Variants in LDB2 observed in about 807,000 individuals in gnomAD.
The protein encoded by LDB2 is LIM domain binding 2, also known as LIM domain-binding protein 2.
A neutral mutation model predicts 44.3 loss-of-function variants in LDB2; 12 were observed. That is an observed-to-expected ratio of 0.27 (90% confidence interval 0.17 to 0.44). LDB2 has a LOEUF of 0.44. LDB2 is among the 20% of genes least tolerant of loss of function. The pLI, the probability that LDB2 is intolerant of heterozygous loss-of-function variation, is 1.00. For synonymous variants in LDB2, 164 were observed against 174.8 expected (o/e 0.94, Z 0.49); for missense variants, 344 against 473.5 (o/e 0.73, Z 2.54).
At chr4:16,554,176 G>C (rs771009354) in intron 5 of LDB2, among the ~76,000 whole-genome samples, 1 of 151,472 alleles carries the variant, frequency 6.6e-6, no homozygotes, top group Non-Finnish European at 1.5e-5. Flanking sequence ...TCAGCCTCAC[G>C]AGTAGCTGGG....
chr4:16,822,887 A>G (rs1249062047), intron 1 of LDB2, among the ~76,000 whole-genome samples: 1 of 152,174 alleles, frequency 6.6e-6, no homozygotes, highest in Non-Finnish European at 1.5e-5. Flanking sequence ...TACATATTCC[A>G]TGTCTATTAG....
chr4:16,554,633 G>A (rs1738868889), intron 5 of LDB2, among the ~76,000 whole-genome samples: 1 of 152,190 alleles, frequency 6.6e-6, no homozygotes, highest in South Asian at 2.1e-4. Context: ...AGACACGGAG[G>A]AACTGTAAAT....
chr4:16,709,869 C>A (rs1755474694), intron 2 of LDB2, among the ~76,000 whole-genome samples: 1 of 152,164 alleles, frequency 6.6e-6, no homozygotes, highest in Non-Finnish European at 1.5e-5. Context: ...CTCTCCAGTT[C>A]ACCAGGTTCT....
chr4:16,581,234 C>G (rs952350538), intron 5 of LDB2: 1 of 168,328 alleles, frequency 5.9e-6, no homozygotes, highest in Admixed American at 6.5e-5. Flanking sequence ...GTGCATTTAT[C>G]CTACTAGAAC....
intron 2 of LDB2, among the ~76,000 whole-genome samples, chr4:16,691,684 G>C (rs1169391302): frequency 1.3e-5 from 2 of 152,190 alleles, no homozygotes; most frequent in African/African-American, 4.8e-5. Context: ...GGCAGCTTTA[G>C]TTTCAGGCCT....
chr4:16,748,477 T>C (rs944458290), intron 2 of LDB2, among the ~76,000 whole-genome samples: 1 of 152,228 alleles, frequency 6.6e-6, no homozygotes, highest in Non-Finnish European at 1.5e-5. Context: ...GGTAATTTTG[T>C]CATGGAGCCT....
intron 2 of LDB2, among the ~76,000 whole-genome samples, chr4:16,721,425 T>C (rs1222759709): frequency 1.3e-5 from 2 of 152,182 alleles, no homozygotes. Context: ...AAGTATTCAC[T>C]TCCTAGATAG....
intron 1 of LDB2, among the ~76,000 whole-genome samples, chr4:16,857,802 T>C (rs574163096): frequency 6.6e-6 from 1 of 152,268 alleles, no homozygotes; most frequent in South Asian, 2.1e-4. Context: ...CAAGCAAACC[T>C]CCCGACCCAA....
At chr4:16,874,876 G>A (rs1363074487) in intron 1 of LDB2, among the ~76,000 whole-genome samples, 1 of 152,150 alleles carries the variant, frequency 6.6e-6, no homozygotes, top group Admixed American at 6.5e-5. Flanking sequence ...GTATGCACAA[G>A]AGTGGCACTT....
At chr4:16,576,361 C>G (rs1249798631) in intron 5 of LDB2, among the ~76,000 whole-genome samples, 1 of 151,030 alleles carries the variant, frequency 6.6e-6, no homozygotes, top group Non-Finnish European at 1.5e-5. Context: ...AAAAAAAAGA[C>G]AGTAGAACCA....
intron 1 of LDB2, among the ~76,000 whole-genome samples, chr4:16,774,145 C>G (rs1579540342): frequency 8.3e-6 from 1 of 120,598 alleles, no homozygotes; most frequent in African/African-American, 3.2e-5. Flanking sequence ...CAGAGTGAGA[C>G]TCCGTCTCAA....
chr4:16,819,460 G>GAAAAAAA (rs369605183), intron 1 of LDB2, among the ~76,000 whole-genome samples: 4 of 93,444 alleles, frequency 4.3e-5, no homozygotes, highest in East Asian at 3.0e-4. Context: ...CTGCACTCAG[G>GAAAAAAA]AAAAAAAAAA....
intron 5 of LDB2, among the ~76,000 whole-genome samples, chr4:16,552,041 G>C (rs374084099): frequency 6.6e-6 from 1 of 151,822 alleles, no homozygotes; most frequent in Non-Finnish European, 1.5e-5. Flanking sequence ...ACTATTTGTA[G>C]GCTGTCTTCT....
At chr4:16,667,687 G>A (rs1221263059) in intron 2 of LDB2, among the ~76,000 whole-genome samples, 1 of 152,252 alleles carries the variant, frequency 6.6e-6, no homozygotes, top group Non-Finnish European at 1.5e-5. Flanking sequence ...CAACCGCATA[G>A]ACAGACAGGT....
In LDB2 at chr4:16,588,240, CTG is replaced by C. The variant is rs574017604; in HGVS notation, c.531+468_531+469del. 1.9e-3 allele frequency among the ~76,000 whole-genome samples: 288 copies of C among 152,312 alleles called. 2 individuals are homozygous for C. The highest frequency in any genetic ancestry group is 6.5e-3 in the African/African-American group (272 of 41,568). On this transcript the variant is annotated intron_variant, in intron 4 of 7. Coordinates refer to ENST00000304523, the MANE Select transcript of LDB2 (RefSeq NM_001290.5). Reference sequence around the variant, plus strand: ...CAAATATTCCACTTCAGATTTAGCACTGTGATCAGGGAGGACCAACTTCTGAC... The same window carrying C: ...CAAATATTCCACTTCAGATTTAGCACTGATCAGGGAGGACCAACTTCTGAC...
intron 5 of LDB2, among the ~76,000 whole-genome samples, chr4:16,551,684 A>G (rs1045645828): frequency 6.6e-6 from 1 of 151,812 alleles, no homozygotes; most frequent in Non-Finnish European, 1.5e-5. Context: ...CGCCCAAATA[A>G]TTTTTGTATT....
At chr4:16,595,970 C>G in intron 2 of LDB2, 95 bp from the exon 3 acceptor site, 1 of 1,248,850 alleles carries the variant, frequency 8.0e-7, no homozygotes, top group Non-Finnish European at 1.1e-6. Context: ...AAACCGGATA[C>G]TGATCATCTC....
At chr4:16,745,261 T>G (rs1378669625) in intron 2 of LDB2, among the ~76,000 whole-genome samples, 2 of 152,140 alleles carry the variant, frequency 1.3e-5, no homozygotes, top group Non-Finnish European at 2.9e-5. Context: ...CAGAGGTAAG[T>G]CACATCTCAG....
intron 1 of LDB2, among the ~76,000 whole-genome samples, chr4:16,793,891 C>A (rs903471961): frequency 4.6e-5 from 7 of 152,050 alleles, no homozygotes; most frequent in African/African-American, 1.4e-4. Flanking sequence ...GAAACTGAGG[C>A]CTTGGAAAAC....
Sources: gnomAD v4.1 joint callset for allele counts (sites outside exome capture counted in the v4.1 genomes callset) on GRCh38, gnomAD v4.1.1 for gene constraint, MANE v1.5 for transcripts, NCBI Gene and HGNC (gene_info 2026-07-23, HGNC 2026-07-21) for gene names.